The following RPS6KA2 variants were observed in gnomAD, a reference collection of about 807,000 sequenced individuals.
RPS6KA2 encodes the protein ribosomal protein S6 kinase alpha-2.
A neutral mutation model predicts 91.8 loss-of-function variants in RPS6KA2; 42 were observed. That is an observed-to-expected ratio of 0.46 (90% confidence interval 0.36 to 0.59). The LOEUF is 0.59. RPS6KA2 is among the 20% of genes least tolerant of loss of function. RPS6KA2 has a pLI of 0.00. For synonymous variants in RPS6KA2, 414 were observed against 393.6 expected (o/e 1.05, Z -0.61); for missense variants, 798 against 978.5 (o/e 0.82, Z 2.46).
In RPS6KA2 at chr6:166,484,215, C is replaced by T. The variant is rs114876906; in HGVS notation, c.907+4618G>A. Among the ~76,000 whole-genome samples, 1,220 of 152,362 alleles carry T rather than the reference C, an allele frequency of 8.0e-3. 21 individuals are homozygous for T. The highest frequency in any genetic ancestry group is 0.028 in the African/African-American group (1,164 of 41,586). On this transcript the variant is annotated intron_variant, in intron 10 of 20. Coordinates refer to ENST00000265678, the MANE Select transcript of RPS6KA2 (RefSeq NM_021135.6). ...TTCAGAGCACCTTAAAGAACAACTA[C>T]AATTCCTTCAATTCACTTTAGTTCA... is the stretch of plus-strand genomic sequence containing the variant.
At chr6:166,762,883 T>C (rs1009339610) in intron 2 of RPS6KA2, among the ~76,000 whole-genome samples, 1 of 152,178 alleles carries the variant, frequency 6.6e-6, no homozygotes, top group East Asian at 1.9e-4. Context: ...TAGGTGACTC[T>C]CCGTAGGTCA....
rs77809980 is a variant in RPS6KA2, at chr6:166,527,321, C to T, written c.298+3911G>A. On this transcript the variant is annotated intron_variant, in intron 3 of 20. Transcript: ENST00000265678. ...GCTTGAAGGAGAAAAGGAGCTCTTCCGGGTCACTCCTGGTGCCCTGGAGAG... is the reference window on the plus strand; with the variant it reads ...GCTTGAAGGAGAAAAGGAGCTCTTCTGGGTCACTCCTGGTGCCCTGGAGAG... Among the ~76,000 whole-genome samples the T allele has an allele frequency of 9.7e-3, 1,471 of 152,250 alleles. 27 individuals carry two copies. Among genetic ancestry groups the T allele is most frequent in the African/African-American group, 0.034 (1,408 of 41,542 alleles).
chr6:166,583,015 G>A (rs1432645773), intron 1 of RPS6KA2, among the ~76,000 whole-genome samples: 4 of 152,232 alleles, frequency 2.6e-5, no homozygotes, highest in East Asian at 1.9e-4. Context: ...TGACTTGGTC[G>A]TTGACTGCTT....
intron 1 of RPS6KA2, among the ~76,000 whole-genome samples, chr6:166,549,573 T>G (rs1285247606): frequency 6.6e-6 from 1 of 152,298 alleles, no homozygotes; most frequent in Middle Eastern, 3.4e-3. Context: ...AATGTATGAT[T>G]CCATTTACAT....
rs980146995 is a variant in RPS6KA2, at chr6:166,612,307, T to C, written c.99+14614A>G. Among the ~76,000 whole-genome samples the C allele has an allele frequency of 1.3e-5, 2 of 152,042 alleles. No individual in the cohort carries two copies. Among genetic ancestry groups the C allele is most frequent in the Non-Finnish European group, 2.9e-5 (2 of 67,994 alleles). ...TGATGGAAGAAAAGAGACTGGGACT[T>C]GTCCTTTCTGGCTTCTCAGTGGTCT... On this transcript the variant is annotated intron_variant, in intron 1 of 20. Transcript: ENST00000265678. The surrounding 1 kb of genome is among the most constrained non-coding windows in gnomAD (Gnocchi z 4.3).
chr6:166,795,575 T>A (rs1458432130), intron 2 of RPS6KA2, among the ~76,000 whole-genome samples: 4 of 152,222 alleles, frequency 2.6e-5, no homozygotes, highest in African/African-American at 9.6e-5. Flanking sequence ...AGGATTTCAC[T>A]TTCCTTGTAA....
chr6:166,637,122 G>A (rs551898734), intron 2 of RPS6KA2, among the ~76,000 whole-genome samples: 60 of 152,320 alleles, frequency 3.9e-4, no homozygotes, highest in African/African-American at 1.4e-3. Flanking sequence ...GGGCCCCTTG[G>A]GGAGTGCTGA....
At chr6:166,465,707 GCTGGCCACTTTCA>G (rs1456394145) in intron 11 of RPS6KA2, among the ~76,000 whole-genome samples, 4 of 152,004 alleles carry the variant, frequency 2.6e-5, no homozygotes, top group African/African-American at 9.7e-5. Flanking sequence ...CTCTCTTTCT[GCTGGCCACTTTCA>G]CTGTGCACAA....
chr6:166,489,229 TA>T (rs1333105705), intron 9 of RPS6KA2, among the ~76,000 whole-genome samples: 2 of 152,310 alleles, frequency 1.3e-5, no homozygotes, highest in East Asian at 1.9e-4. Flanking sequence ...ATAAAATCAT[TA>T]AAAAACAATA....
At position 166,862,029 on chromosome 6, in the gene RPS6KA2, T is replaced by C. The variant is rs969415108; in HGVS notation, c.63+79A>G. 3.2e-6 allele frequency: 5 copies of C among 1,577,132 alleles called. No homozygotes were observed. The African/African-American group carries it at 4.0e-5, about 13-fold the overall frequency. On this transcript the variant is annotated intron_variant, in intron 1 of 21. Transcript: ENST00000503859. ...TCACCTAATGGACATGAACTGATTA[T>C]AGTAAATGAGCAATGCATTGGCTGC...
rs113387120 is a variant in RPS6KA2, at chr6:166,852,434, G to GT, written c.123+5765dup. 4.6e-5 allele frequency among the ~76,000 whole-genome samples: 7 copies of GT among 152,198 alleles called. No individual in the cohort carries two copies. The highest frequency in any genetic ancestry group is 2.1e-4 in the South Asian group (1 of 4,820). On this transcript the variant is annotated intron_variant, in intron 2 of 21. Transcript: ENST00000503859. The surrounding 1 kb of genome is among the most constrained non-coding windows in gnomAD (Gnocchi z 4.1). ...ACCAGTTTAGATTGTTTTTCTTTCT[G>GT]TTTTTTTATGAGGAACAATGGAATT...
chr6:166,788,975 C>T (rs1426043003), intron 2 of RPS6KA2, among the ~76,000 whole-genome samples: 1 of 152,172 alleles, frequency 6.6e-6, no homozygotes, highest in African/African-American at 2.4e-5. Flanking sequence ...TCTGAGGTAC[C>T]AGGTTCATCT....
At chr6:166,559,762 G>A (rs73257231) in intron 1 of RPS6KA2, among the ~76,000 whole-genome samples, 9,977 of 152,148 alleles carry the variant, frequency 0.066, 1,103 homozygotes, top group African/African-American at 0.23. Context: ...TTAATAACAT[G>A]TTATACCATA....
At chr6:166,692,167 T>G (rs1304900314) in intron 2 of RPS6KA2, among the ~76,000 whole-genome samples, 1 of 152,024 alleles carries the variant, frequency 6.6e-6, no homozygotes, top group Non-Finnish European at 1.5e-5. Flanking sequence ...CTGTCAAGAT[T>G]TGTTGTCTTG....
upstream of RPS6KA2, among the ~76,000 whole-genome samples, chr6:166,630,392 T>C (rs2128545363): frequency 6.6e-6 from 1 of 152,396 alleles, no homozygotes; most frequent in South Asian, 2.1e-4. Context: ...AACTCCCACA[T>C]ATTTTCAATA....
At chr6:166,685,539 C>A (rs919558659) in intron 2 of RPS6KA2, among the ~76,000 whole-genome samples, 6 of 152,334 alleles carry the variant, frequency 3.9e-5, no homozygotes, top group African/African-American at 1.4e-4. Context: ...GGATTCATAG[C>A]CATGCATCTT....
intron 2 of RPS6KA2, among the ~76,000 whole-genome samples, chr6:166,752,164 A>G (rs776111489): frequency 6.6e-6 from 1 of 152,262 alleles, no homozygotes; most frequent in Non-Finnish European, 1.5e-5. Flanking sequence ...TAACTATTTT[A>G]GTCATTAATA....
rs1044529435 is a variant in RPS6KA2, at chr6:166,555,210, G to A, written c.100-16426C>T. Reference sequence around the variant, plus strand: ...GTGACAGGGGTGAGAAGAATTGCACGCTGGCTTCTGGACAGGAATACAGTT... The same window carrying A: ...GTGACAGGGGTGAGAAGAATTGCACACTGGCTTCTGGACAGGAATACAGTT... On this transcript the variant is annotated intron_variant, in intron 1 of 20. Transcript: ENST00000265678. 3.9e-5 allele frequency among the ~76,000 whole-genome samples: 6 copies of A among 152,260 alleles called. No individual in the cohort carries two copies. The South Asian group carries it at 8.3e-4, about 21-fold the overall frequency.
intron 2 of RPS6KA2, among the ~76,000 whole-genome samples, chr6:166,762,994 C>T (rs543733057): frequency 3.9e-5 from 6 of 152,302 alleles, no homozygotes; most frequent in East Asian, 1.9e-4. Context: ...CTCCTCAATG[C>T]GTGGATAGCA....
Sources: gnomAD v4.1 joint callset for allele counts (sites outside exome capture counted in the v4.1 genomes callset) on GRCh38, gnomAD v4.1.1 for gene constraint, Gnocchi (gnomAD v3.1) non-coding constraint, MANE v1.5 for transcripts, NCBI Gene and HGNC (gene_info 2026-07-23, HGNC 2026-07-21) for gene names.